CACNA1C: variants seen among roughly 807,000 people sequenced by gnomAD.
CACNA1C encodes the protein voltage-dependent L-type calcium channel subunit alpha-1C.
Under a neutral mutation model 229.0 loss-of-function variants are expected in CACNA1C, and 30 were observed. That is an observed-to-expected ratio of 0.13 (90% CI 0.10 to 0.18). The LOEUF is 0.18. Ranked by LOEUF, CACNA1C falls within the 10% of genes least tolerant of loss-of-function variation. The pLI is 1.00. For missense variants in CACNA1C, 1,658 were observed against 2,845.0 expected (o/e 0.58, Z 9.49); for synonymous variants, 1,114 against 1,132.5 (o/e 0.98, Z 0.33).
intron 3 of CACNA1C, among the ~76,000 whole-genome samples, chr12:2,389,503 T>G (rs1182336247): frequency 6.6e-6 from 1 of 152,190 alleles, no homozygotes; most frequent in Non-Finnish European, 1.5e-5. Context: ...AAGGGAAGAT[T>G]GTGATCCTGT....
chr12:2,033,988 A>T (rs1246884676), intron 1 of CACNA1C, among the ~76,000 whole-genome samples: 3 of 152,204 alleles, frequency 2.0e-5, no homozygotes, highest in Non-Finnish European at 4.4e-5. Context: ...TGGCCTAGAG[A>T]AGCAAAGATT....
In CACNA1C at chr12:2,504,810, G is replaced by A. The variant is rs1408277402; in HGVS notation, c.1114-32G>A. 1.6e-6 allele frequency: 2 copies of A among 1,275,100 alleles called. No individual in the cohort carries two copies. The highest frequency in any genetic ancestry group is 2.3e-6 in the Non-Finnish European group (2 of 872,656). 79.0% of individuals were successfully genotyped at this position (1,275,100 alleles called of 1,614,324 possible). On this transcript the variant is annotated intron_variant, in intron 7 of 46. Coordinates refer to ENST00000399655, the MANE Select transcript of CACNA1C (RefSeq NM_000719.7). The surrounding 1 kb of genome is among the most constrained non-coding windows in gnomAD (Gnocchi z 6.8). The stretch of plus-strand genomic sequence containing the variant: ...CACTGGCCGTGCTCGGTTGCTGAGT[G>A]TGCCTCACTAACTATCATTCCGTTC...
At chr12:2,603,433 T>A (rs1163858447) in intron 22 of CACNA1C, 1 of 152,230 alleles carries the variant, frequency 6.6e-6, no homozygotes, top group African/African-American at 2.4e-5. Context: ...CTTGCTGGCC[T>A]GTCATTCATT....
rs138684665 is a variant in CACNA1C, at chr12:2,516,715, C to T, written c.1390+3731C>T. Among the ~76,000 whole-genome samples the T allele has an allele frequency of 1.2e-3, 187 of 152,224 alleles. 1 individual carries two copies. The highest frequency in any genetic ancestry group is 4.4e-3 in the African/African-American group (182 of 41,534). On this transcript the variant is annotated intron_variant, in intron 9 of 46. Transcript: ENST00000399655. ...GATATGGGGAAGTCTGTGAGAGGAA[C>T]GGGTGTCAGGGCAGGAGGATCAGGA...
At chr12:2,521,886 G>A (rs1055259425) in intron 9 of CACNA1C, among the ~76,000 whole-genome samples, 3 of 152,188 alleles carry the variant, frequency 2.0e-5, no homozygotes, top group Admixed American at 6.5e-5. Flanking sequence ...AGCTTTGAAT[G>A]TGTCTCCATG....
intron 29 of CACNA1C, among the ~76,000 whole-genome samples, chr12:2,622,934 G>A (rs182735992): frequency 3.9e-5 from 6 of 152,300 alleles, no homozygotes; most frequent in African/African-American, 1.2e-4. Flanking sequence ...TCTCAGCCTC[G>A]TGGGGATAAC....
chr12:2,363,278 A>C (rs2097615979), intron 3 of CACNA1C, among the ~76,000 whole-genome samples: 1 of 152,084 alleles, frequency 6.6e-6, no homozygotes, highest in African/African-American at 2.4e-5. Context: ...CTGGAAACCC[A>C]CCTTGTCTCA....
intron 37 of CACNA1C, among the ~76,000 whole-genome samples, chr12:2,667,157 A>G (rs1270749597): frequency 1.3e-5 from 2 of 151,968 alleles, no homozygotes; most frequent in African/African-American, 4.8e-5. Flanking sequence ...AATTTTTCAT[A>G]AAATCACTAA....
chr12:2,129,979 A>G (rs534861681), intron 3 of CACNA1C, among the ~76,000 whole-genome samples: 3 of 152,298 alleles, frequency 2.0e-5, no homozygotes, highest in South Asian at 4.1e-4. Flanking sequence ...GCTTTAATTT[A>G]TGGGTTTTAT....
At chr12:2,449,630 G>A (rs368260962) in intron 4 of CACNA1C, among the ~76,000 whole-genome samples, 138 of 152,342 alleles carry the variant, frequency 9.1e-4, no homozygotes, top group South Asian at 2.5e-3. Context: ...AGGGACAGGG[G>A]CTATGACCCA....
At chr12:2,311,735 C>T (rs1031176761) in intron 3 of CACNA1C, among the ~76,000 whole-genome samples, 17 of 152,230 alleles carry the variant, frequency 1.1e-4, no homozygotes, top group African/African-American at 4.1e-4. Flanking sequence ...AAAACCGTGG[C>T]ATCTCATACT....
At chr12:2,049,739 C>G (rs550609674), upstream of CACNA1C, among the ~76,000 whole-genome samples, 1 of 152,292 alleles carries the variant, frequency 6.6e-6, no homozygotes, top group East Asian at 1.9e-4. Context: ...AGAATCAAAT[C>G]ATTCAATGAC....
chr12:2,055,328 C>T (rs2054259660), intron 1 of CACNA1C, among the ~76,000 whole-genome samples: 1 of 152,162 alleles, frequency 6.6e-6, no homozygotes, highest in Admixed American at 6.5e-5. Flanking sequence ...CGTGCTTTAC[C>T]CACCTCCTCA....
intron 3 of CACNA1C, among the ~76,000 whole-genome samples, chr12:2,284,766 A>T (rs2092346548): frequency 1.3e-5 from 2 of 152,256 alleles, no homozygotes; most frequent in Admixed American, 1.3e-4. Context: ...AGCTGCAGGC[A>T]GGCGGCTCTC....
chr12:2,332,109 G>A (rs1015088111), intron 3 of CACNA1C, among the ~76,000 whole-genome samples: 1 of 152,124 alleles, frequency 6.6e-6, no homozygotes, highest in East Asian at 1.9e-4. Flanking sequence ...ACATGCTGAA[G>A]TATTTAGGCA....
At chr12:2,628,063 C>T (rs962633099) in intron 29 of CACNA1C, among the ~76,000 whole-genome samples, 3 of 152,236 alleles carry the variant, frequency 2.0e-5, no homozygotes, top group Non-Finnish European at 4.4e-5. Context: ...ACTGACAGCA[C>T]CACCCCAGGC....
chr12:1,999,160 G>A (rs952624194), intron 1 of CACNA1C, among the ~76,000 whole-genome samples: 3 of 152,190 alleles, frequency 2.0e-5, no homozygotes, highest in Admixed American at 2.0e-4. Context: ...GAAACTCTGG[G>A]GATGGTGCTC....
intron 3 of CACNA1C, among the ~76,000 whole-genome samples, chr12:2,443,391 C>CA (rs1489919150): frequency 8.5e-5 from 13 of 152,198 alleles, no homozygotes; most frequent in Non-Finnish European, 1.5e-4. Flanking sequence ...GGTGGGCTCC[C>CA]AAGGCCTTGG....
At chr12:2,443,875 G>T (rs917183844) in intron 3 of CACNA1C, among the ~76,000 whole-genome samples, 79 of 151,972 alleles carry the variant, frequency 5.2e-4, no homozygotes, top group African/African-American at 1.7e-3. Flanking sequence ...GTTTTTTGTT[G>T]TTTTTTTTAA....
Sources: gnomAD v4.1 joint callset for allele counts (sites outside exome capture counted in the v4.1 genomes callset) on GRCh38, gnomAD v4.1.1 for gene constraint, Gnocchi (gnomAD v3.1) non-coding constraint, MANE v1.5 for transcripts, NCBI Gene and HGNC (gene_info 2026-07-23, HGNC 2026-07-21) for gene names.